Variants in CDH20 observed in about 807,000 individuals in gnomAD.
CDH20 encodes the protein cadherin 20.
A neutral mutation model predicts 74.2 loss-of-function variants in CDH20; 29 were observed. That is an observed-to-expected ratio of 0.39 (90% CI 0.29 to 0.53). The LOEUF is 0.53. Ranked by LOEUF, CDH20 falls within the 20% of genes least tolerant of loss-of-function variation. The probability of loss-of-function intolerance (pLI) is 0.69; values close to 1 mark genes in which losing one functional copy is unlikely to be tolerated. For missense variants in CDH20, 988 were observed against 1,048.3 expected, an observed-to-expected ratio of 0.94 and a Z score of 0.79; for synonymous variants, 469 against 405.4, an observed-to-expected ratio of 1.16 and a Z score of -1.88.
chr18:61,386,305 T>G (rs1911598953), intron 1 of CDH20, among the ~76,000 whole-genome samples: 1 of 152,184 alleles, frequency 6.6e-6, no homozygotes, highest in African/African-American at 2.4e-5. Flanking sequence ...TAGGCCCTTT[T>G]ATAAGGTCTC....
At position 61,490,746 on chromosome 18, in the gene CDH20, C is replaced by G; in HGVS notation, c.193C>G (p.Gln65Glu). Residue 65 changes from glutamine (Q) to glutamate (E), a missense_variant, in exon 2 of 12, where the codon CAG becomes GAG. This residue lies in a region of CDH20 where 613 missense variants were observed against 755.2 expected (regional missense o/e 0.81). Coordinates refer to ENST00000262717, the MANE Select transcript of CDH20 (RefSeq NM_031891.4). Reference sequence around the variant, plus strand: ...GACCAAGAGGAGCTGGGTTTGGAACCAGTTTTTCGTTCTGGAAGAGTACAC... The same window carrying G: ...GACCAAGAGGAGCTGGGTTTGGAACGAGTTTTTCGTTCTGGAAGAGTACAC... Reference protein sequence around the residue: ...QRTKRSWVWNQFFVLEEYTGT... With the variant: ...QRTKRSWVWNEFFVLEEYTGT... 6.2e-7 allele frequency: 1 copy of G among 1,614,128 alleles called. No individual in the cohort carries two copies. Among genetic ancestry groups the G allele is most frequent in the African/African-American group, 1.3e-5 (1 of 75,046 alleles).
At chr18:61,418,351 G>C (rs899632272) in intron 1 of CDH20, among the ~76,000 whole-genome samples, 1 of 152,000 alleles carries the variant, frequency 6.6e-6, no homozygotes, top group East Asian at 1.9e-4. Context: ...TCAGGAGATC[G>C]AGACCATACT....
At chr18:61,520,166 A>G (rs1266759008) in intron 6 of CDH20, among the ~76,000 whole-genome samples, 2 of 150,400 alleles carry the variant, frequency 1.3e-5, no homozygotes, top group African/African-American at 2.5e-5. Flanking sequence ...AATACAAAAA[A>G]TTAGCCAGGC....
At chr18:61,493,914 C>T (rs1228451941) in intron 2 of CDH20, among the ~76,000 whole-genome samples, 3 of 152,196 alleles carry the variant, frequency 2.0e-5, no homozygotes, top group Non-Finnish European at 4.4e-5. Flanking sequence ...CACTCACCAA[C>T]TTTGTCTACA....
intron 1 of CDH20, among the ~76,000 whole-genome samples, chr18:61,446,792 A>G (rs1404372943): frequency 6.6e-6 from 1 of 152,064 alleles, no homozygotes; most frequent in Non-Finnish European, 1.5e-5. Context: ...TCCTTGTCTC[A>G]ATTCATTTCC....
chr18:61,443,072 A>T (rs1194790130), intron 1 of CDH20, among the ~76,000 whole-genome samples: 1 of 152,180 alleles, frequency 6.6e-6, no homozygotes, highest in Non-Finnish European at 1.5e-5. Context: ...GGGAGAGAAG[A>T]CCTCATGAAT....
chr18:61,512,759 TA>T (rs1166151054), intron 6 of CDH20, among the ~76,000 whole-genome samples: 1 of 152,180 alleles, frequency 6.6e-6, no homozygotes, highest in Non-Finnish European at 1.5e-5. Context: ...TTTCGTTATG[TA>T]CCCAGTAGTC....
chr18:61,393,177 T>C (rs1163053197), intron 1 of CDH20, among the ~76,000 whole-genome samples: 1 of 152,228 alleles, frequency 6.6e-6, no homozygotes, highest in Admixed American at 6.5e-5. Context: ...AGTCTCACTT[T>C]CCTGAAAAAT....
chr18:61,548,663 A>G (rs552326503), intron 10 of CDH20, among the ~76,000 whole-genome samples: 13 of 152,352 alleles, frequency 8.5e-5, no homozygotes, highest in African/African-American at 2.9e-4. Context: ...TTGCTCACAT[A>G]CAGCCTGCTG....
intron 1 of CDH20, among the ~76,000 whole-genome samples, chr18:61,467,738 T>C (rs1016610929): frequency 6.6e-6 from 1 of 152,206 alleles, no homozygotes; most frequent in Non-Finnish European, 1.5e-5. Context: ...TTCATGCTTA[T>C]AGCAACCCTG....
chr18:61,379,841 G>A (rs1911374774), intron 1 of CDH20, among the ~76,000 whole-genome samples: 1 of 152,186 alleles, frequency 6.6e-6, no homozygotes, highest in South Asian at 2.1e-4. Context: ...AGGAGGAAAA[G>A]CAGAGAGGTA....
chr18:61,440,868 G>T (rs568599160), intron 1 of CDH20, among the ~76,000 whole-genome samples: 1 of 152,240 alleles, frequency 6.6e-6, no homozygotes, highest in Admixed American at 6.5e-5. Flanking sequence ...AGGTCACAAG[G>T]CCAACCCAAA....
chr18:61,538,358 C>T (rs545778942), intron 8 of CDH20, among the ~76,000 whole-genome samples: 95 of 152,112 alleles, frequency 6.2e-4, no homozygotes, highest in Non-Finnish European at 1.2e-3. Context: ...AGACTGAAAA[C>T]CTCTTTTTAA....
intron 1 of CDH20, among the ~76,000 whole-genome samples, chr18:61,472,680 G>A (rs1284894186): frequency 6.6e-6 from 1 of 152,230 alleles, no homozygotes; most frequent in Non-Finnish European, 1.5e-5. Context: ...TGTAATTCCT[G>A]TGGGAGCCAA....
intron 10 of CDH20, among the ~76,000 whole-genome samples, chr18:61,546,460 T>C (rs1568185825): frequency 6.6e-6 from 1 of 152,222 alleles, no homozygotes; most frequent in Non-Finnish European, 1.5e-5. Context: ...GCAGAAATAC[T>C]TCAATTAAAT....
chr18:61,341,362 A>G (rs1334259134), intron 1 of CDH20, among the ~76,000 whole-genome samples: 2 of 151,950 alleles, frequency 1.3e-5, no homozygotes, highest in Admixed American at 6.6e-5. Flanking sequence ...CCTTTTTTTA[A>G]GGGCAAGAAT....
chr18:61,460,734 T>G (rs1263821404), intron 1 of CDH20, among the ~76,000 whole-genome samples: 1 of 152,206 alleles, frequency 6.6e-6, no homozygotes, highest in Non-Finnish European at 1.5e-5. Flanking sequence ...ACCATATGGT[T>G]TATTTATTGC....
intron 6 of CDH20, among the ~76,000 whole-genome samples, chr18:61,523,847 G>A (rs942216651): frequency 1.3e-5 from 2 of 152,086 alleles, no homozygotes; most frequent in Non-Finnish European, 2.9e-5. Flanking sequence ...TCACTCATAA[G>A]TGGGAAGTGA....
chr18:61,513,247 C>T (rs904702164), intron 6 of CDH20, among the ~76,000 whole-genome samples: 8 of 143,994 alleles, frequency 5.6e-5, no homozygotes, highest in Non-Finnish European at 1.1e-4. Context: ...GATCCCTTTA[C>T]CATTATGTAA....
Sources: allele counts gnomAD v4.1 joint callset (sites outside exome capture counted in the v4.1 genomes callset), GRCh38; gene constraint gnomAD v4.1.1; regional missense constraint gnomAD v4.1.1; transcripts MANE v1.5; gene names NCBI Gene and HGNC (gene_info 2026-07-23, HGNC 2026-07-21).